Variants in RRP7A observed in about 807,000 individuals in gnomAD.
RRP7A encodes ribosomal RNA-processing protein 7 homolog A.
RRP7A carries 27 observed loss-of-function variants against 38.4 expected under a neutral mutation model. That is an observed-to-expected ratio of 0.70 (90% confidence interval 0.52 to 0.97). RRP7A has a LOEUF of 0.97. Among genes scored for constraint, RRP7A ranks in the 50% least tolerant of loss-of-function variants. The pLI is 0.00. For synonymous variants in RRP7A, 124 were observed against 150.3 expected, an observed-to-expected ratio of 0.83 and a Z score of 1.28; for missense variants, 327 against 375.4, an observed-to-expected ratio of 0.87 and a Z score of 1.07.
chr22:42,510,603 C>G lies in RRP7A; in HGVS notation c.*2307G>C. 9.9e-7 allele frequency: 1 copy of G among 1,013,928 alleles called. No individual in the cohort carries two copies. The highest frequency in any genetic ancestry group is 1.8e-5 in the South Asian group (1 of 56,602). The allele number at this position is 1,013,928 out of a possible 1,614,324, so 62.8% of individuals were successfully genotyped here. On this transcript the variant is annotated 3_prime_UTR_variant, in exon 7 of 7. Transcript: ENST00000323013. ...TGGGAGGCGGTTCTAAGATGAACCC[C>G]AACAACCCCCAACTCCTCACTTTCC... is the stretch of plus-strand genomic sequence containing the variant.
At chr22:42,514,651 C>T (rs777630272) in intron 5 of RRP7A, 31 bp downstream of exon 5, 74 of 1,569,998 alleles carry the variant, frequency 4.7e-5, no homozygotes, top group Admixed American at 2.6e-4. Context: ...ACGGGCGATG[C>T]GGGGCTCGGC....
At position 42,510,687 on chromosome 22, in the gene RRP7A, C is replaced by A; in HGVS notation, c.*2223G>T. The A allele has an allele frequency of 6.8e-7, 1 of 1,461,780 alleles. No homozygotes were observed. The allele number at this position is 1,461,780 out of a possible 1,614,324, so 90.6% of individuals were successfully genotyped here. ...AATTACTCTGACAAGGAGTCCCTGT[C>A]GTTCATGATAGACACAATGAAATCC... is the stretch of plus-strand genomic sequence containing the variant. On this transcript the variant is annotated 3_prime_UTR_variant, in exon 7 of 7. Coordinates refer to ENST00000323013, the MANE Select transcript of RRP7A (RefSeq NM_015703.5).
chr22:42,513,232 C>G (rs1920922608), intron 6 of RRP7A, among the ~76,000 whole-genome samples: 1 of 144,038 alleles, frequency 6.9e-6, no homozygotes, highest in Non-Finnish European at 1.5e-5. Flanking sequence ...CACCCCCAGC[C>G]TGGAGATGAA....
At chr22:42,515,920 GCT>G (rs1920928222) in intron 3 of RRP7A, 89 bp downstream of exon 3, 1 of 1,439,836 alleles carries the variant, frequency 6.9e-7, no homozygotes, top group Non-Finnish European at 9.4e-7. Context: ...ACCAGAGAAT[GCT>G]CTGATGTCCC....
intron 1 of RRP7A, among the ~76,000 whole-genome samples, chr22:42,518,441 C>A (rs1413816633): frequency 1.3e-5 from 2 of 152,084 alleles, no homozygotes; most frequent in African/African-American, 4.8e-5. Flanking sequence ...TTGGAGTCAA[C>A]GCCAAAATCC....
At position 42,509,163 on chromosome 22, in the gene RRP7A, G is replaced by A. The variant is rs1305429419; in HGVS notation, c.*3747C>T. ...ACCCCCCAAGGAGACATGGGCGCCA[G>A]GAATCTCTGGGAGGGGGCCCTGGCA... On this transcript the variant is annotated 3_prime_UTR_variant, in exon 7 of 7. Coordinates refer to ENST00000323013, the MANE Select transcript of RRP7A (RefSeq NM_015703.5). 3.0e-5 allele frequency: 48 copies of A among 1,610,856 alleles called. 1 individual carries two copies. The highest frequency in any genetic ancestry group is 3.7e-5 in the Non-Finnish European group (44 of 1,178,030).
chr22:42,515,670 G>A (rs999690529), intron 3 of RRP7A, among the ~76,000 whole-genome samples: 2 of 152,152 alleles, frequency 1.3e-5, no homozygotes, highest in African/African-American at 4.8e-5. Flanking sequence ...GGAAAGCTGT[G>A]AACAACAGTG....
At position 42,514,112 on chromosome 22, in the gene RRP7A, T is replaced by A. The variant is rs760648614; in HGVS notation, c.751A>T (p.Met251Leu). The A allele has an allele frequency of 1.2e-6, 2 of 1,612,522 alleles. No individual in the cohort carries two copies. Among genetic ancestry groups the A allele is most frequent in the Non-Finnish European group, 1.7e-6 (2 of 1,179,580 alleles). The part of the protein sequence containing the change: ...FYAWQHRESK[M>L]EHLAQLRKKF... The stretch of plus-strand genomic sequence containing the variant: ...TGGACTGGGGGTGGCTTACGCTCCA[T>A]CTTGCTCTCTCGATGCTGCCAGGCG... The change falls in exon 6 of 7, where the codon ATG becomes TTG. Residue 251 changes from methionine to leucine, a missense_variant. By Grantham distance (15) the Met-to-Leu change is conservative. Transcript: ENST00000323013.
At position 42,509,622 on chromosome 22, in the gene RRP7A, C is replaced by T. The variant is rs1259095353; in HGVS notation, c.*3288G>A. On this transcript the variant is annotated 3_prime_UTR_variant, in exon 7 of 7. Transcript: ENST00000323013. ...GGGATTACAGGCGAGAGCCACCGTGCGTGGCCCACCATAGACGATTTTTAA... is the reference window on the plus strand; with the variant it reads ...GGGATTACAGGCGAGAGCCACCGTGTGTGGCCCACCATAGACGATTTTTAA... Among the ~76,000 whole-genome samples the T allele has an allele frequency of 3.9e-5, 6 of 151,930 alleles. No individual in the cohort carries two copies. Among genetic ancestry groups the T allele is most frequent in the Non-Finnish European group, 8.8e-5 (6 of 67,938 alleles).
chr22:42,512,917 G>A lies in RRP7A; in HGVS notation c.836C>T (p.Pro279Leu), dbSNP rs375538767. The A allele has an allele frequency of 3.7e-6, 6 of 1,613,206 alleles. No homozygotes were observed. The highest frequency in any genetic ancestry group is 2.2e-5 in the East Asian group (1 of 44,886). Residue 279 changes from proline to leucine, a missense_variant, in exon 7 of 7, where the codon CCG (proline) becomes CTG (leucine). Physicochemically the swap from Pro to Leu is moderately conservative, Grantham distance 98. Coordinates refer to ENST00000323013, the MANE Select transcript of RRP7A (RefSeq NM_015703.5). ...ELLRAQRKFR[P>L]Y ...CACTGCGGCTCTCACAGCTCAGTAC[G>A]GTCGGAATTTGCGCTGGGCCCGCAG...
At chr22:42,519,610 C>G in intron 1 of RRP7A, 104 bp downstream of exon 1, 1 of 1,039,054 alleles carries the variant, frequency 9.6e-7, no homozygotes. Flanking sequence ...GGGGCTCACA[C>G]CCAACCGTGC....
In RRP7A at chr22:42,512,658, G is replaced by C; in HGVS notation, c.*252C>G. ...TCCAGGGTCCTGGAGAGGAGGGTGT[G>C]GAGGCAAGAAGCAGGAAGGACAAGT... On this transcript the variant is annotated 3_prime_UTR_variant, in exon 7 of 7. Coordinates refer to ENST00000323013, the MANE Select transcript of RRP7A (RefSeq NM_015703.5). 3.4e-6 allele frequency: 2 copies of C among 593,498 alleles called. No homozygotes were observed. Among genetic ancestry groups the C allele is most frequent in the East Asian group, 5.6e-5 (2 of 35,508 alleles). 36.8% of individuals were successfully genotyped at this position (593,498 alleles called of 1,614,324 possible). A position where few individuals can be genotyped will look rare whatever the true frequency, so the allele number is the denominator to read the frequency against.
chr22:42,513,091 G>A, intron 6 of RRP7A, 96 bp from the exon 7 acceptor site: 1 of 993,382 alleles, frequency 1.0e-6, no homozygotes, highest in Middle Eastern at 2.9e-4. Context: ...TACTGTGGGG[G>A]TGGGGCTATG....
rs1209219599 is a variant in RRP7A, at chr22:42,509,839, T to TGGGGGG, written c.*3065_*3070dup. 1 of 11,746 alleles carries TGGGGGG rather than the reference T, an allele frequency of 8.5e-5. No individual in the cohort carries two copies. Among genetic ancestry groups the TGGGGGG allele is most frequent in the Non-Finnish European group, 1.5e-4 (1 of 6,506 alleles). 0.7% of individuals were successfully genotyped at this position (11,746 alleles called of 1,614,324 possible). A position where few individuals can be genotyped will look rare whatever the true frequency, so the allele number is the denominator to read the frequency against. On this transcript the variant is annotated 3_prime_UTR_variant, in exon 7 of 7. Coordinates refer to ENST00000323013, the MANE Select transcript of RRP7A (RefSeq NM_015703.5). ...CTCAGGACCGGAAGCCTGTTGGGGG[T>TGGGGGG]GGGGGGGTGGGGTGTGTGTGTGTGT...
chr22:42,512,385 C>G lies in RRP7A; in HGVS notation c.*525G>C, dbSNP rs574893618. On this transcript the variant is annotated 3_prime_UTR_variant, in exon 7 of 7. Coordinates refer to ENST00000323013, the MANE Select transcript of RRP7A (RefSeq NM_015703.5). Reference sequence around the variant, plus strand: ...CTAGGATGGTAGTCAGGGGAAGGAGCGAGATTCCAACTTCAACATCTGTGA... The same window carrying G: ...CTAGGATGGTAGTCAGGGGAAGGAGGGAGATTCCAACTTCAACATCTGTGA... The G allele has an allele frequency of 1.0e-5, 7 of 682,108 alleles. No individual in the cohort carries two copies. The highest frequency in any genetic ancestry group is 1.5e-5 in the Non-Finnish European group (6 of 397,324). 42.3% of individuals were successfully genotyped at this position (682,108 alleles called of 1,614,324 possible).
In RRP7A at chr22:42,514,268, C is replaced by G. The variant is rs976809242; in HGVS notation, c.595G>C (p.Asp199His). Residue 199 changes from aspartate to histidine, a missense_variant, in exon 6 of 7, where the codon GAC becomes CAC. Transcript: ENST00000323013. ...AKAKEEEGVP[D>H]EEGWVKVTRR... ...GTCACCTTCACCCAGCCCTCCTCGT[C>G]AGGGACCCCCTCCTCCTCCTTGGCC... is the stretch of plus-strand genomic sequence containing the variant. 1.9e-6 allele frequency: 3 copies of G among 1,599,966 alleles called. No homozygotes were observed. In the African/African-American group the frequency reaches 4.0e-5, roughly 21 times the overall value.
chr22:42,516,678 A>G (rs1226443244), intron 2 of RRP7A, among the ~76,000 whole-genome samples: 6 of 152,170 alleles, frequency 3.9e-5, no homozygotes, highest in African/African-American at 1.4e-4. Flanking sequence ...TCCTATGACA[A>G]GTTTTACTAC....
rs942228161 is a variant in RRP7A, at chr22:42,511,464, C to G, written c.*1446G>C. ...TGCTGGTTTTGCAGATGGGAGCCAC[C>G]ATGCCCAGCCTAGTCTCACTTTATA... On this transcript the variant is annotated 3_prime_UTR_variant, in exon 7 of 7. Transcript: ENST00000323013. 20 of 153,200 alleles carry G rather than the reference C, an allele frequency of 1.3e-4. No homozygotes were observed. The highest frequency in any genetic ancestry group is 4.8e-4 in the African/African-American group (20 of 41,604). 9.5% of individuals were successfully genotyped at this position (153,200 alleles called of 1,614,324 possible).
chr22:42,513,967 G>A, intron 6 of RRP7A, 139 bp downstream of exon 6: 4 of 738,102 alleles, frequency 5.4e-6, no homozygotes, highest in Non-Finnish European at 8.9e-6. Flanking sequence ...ACAGAGTCTG[G>A]TGCGAGCCCC....
Sources: allele counts gnomAD v4.1 joint callset (sites outside exome capture counted in the v4.1 genomes callset), GRCh38; gene constraint gnomAD v4.1.1; transcripts MANE v1.5; gene names NCBI Gene and HGNC (gene_info 2026-07-23, HGNC 2026-07-21).